The following TAF6L variants were observed in gnomAD, a reference collection of about 807,000 sequenced individuals.
TAF6L encodes TAF6-like RNA polymerase II p300/CBP-associated factor-associated factor 65 kDa subunit 6L.
A neutral mutation model predicts 57.3 loss-of-function variants in TAF6L; 34 were observed. That is an observed-to-expected ratio of 0.59 (90% confidence interval 0.45 to 0.79). The LOEUF (loss-of-function observed/expected upper bound fraction) is 0.79, where lower values mean the gene tolerates loss of function less well. TAF6L is among the 30% of genes least tolerant of loss of function. TAF6L has a pLI of 0.00. For synonymous variants in TAF6L, 417 were observed against 376.3 expected (o/e 1.11, Z -1.25); for missense variants, 782 against 853.2 (o/e 0.92, Z 1.04).
In TAF6L at chr11:62,786,373, C is replaced by T; in HGVS notation, c.1074C>T (p.Val358=). ...AGGTCAAAGCAGATGGACACAAAGT[C>T]TATGGAGCCATTCTGGTGAGTACCG... ...NAQVKADGHK[V]YGAILVAVER... The change falls in exon 10 of 11, where the codon GTC becomes GTT. Residue 358 remains valine (V), a synonymous_variant. Transcript: ENST00000294168. 2 of 1,614,082 alleles carry T rather than the reference C, an allele frequency of 1.2e-6. No homozygotes were observed. The highest frequency in any genetic ancestry group is 1.7e-6 in the Non-Finnish European group (2 of 1,179,952).
chr11:62,786,586 A>G lies in TAF6L; in HGVS notation c.1159A>G (p.Arg387Gly). The change falls in exon 11 of 11, where the codon AGG (arginine) becomes GGG (glycine). Residue 387 changes from arginine (R) to glycine (G), a missense_variant. Coordinates refer to ENST00000294168, the MANE Select transcript of TAF6L (RefSeq NM_006473.4). ...AEPNRGGPGG[R>G]GCRRLDDLPW... Reference sequence around the variant, plus strand: ...GCCCAACAGGGGTGGCCCAGGTGGCAGGGGGTGCCGGCGCCTGGACGACCT... The same window carrying G: ...GCCCAACAGGGGTGGCCCAGGTGGCGGGGGGTGCCGGCGCCTGGACGACCT... The G allele has an allele frequency of 6.3e-7, 1 of 1,575,570 alleles. No homozygotes were observed. Among genetic ancestry groups the G allele is most frequent in the Non-Finnish European group, 8.6e-7 (1 of 1,161,648 alleles).
intron 6 of TAF6L, chr11:62,781,630 G>A (rs2084230377): frequency 1.7e-5 from 6 of 353,624 alleles, no homozygotes; most frequent in Admixed American, 4.6e-5. Context: ...AGCCAAGATC[G>A]TGCCACTGGG....
Position 62,782,340 on chromosome 11 carries a change from A to C in TAF6L, c.827+7A>C. The C allele has an allele frequency of 6.2e-7, 1 of 1,612,628 alleles. No homozygotes were observed. Among genetic ancestry groups the C allele is most frequent in the Non-Finnish European group, 8.5e-7 (1 of 1,179,816 alleles). On this transcript the variant is annotated splice_region_variant and intron_variant, in intron 8 of 10. Transcript: ENST00000294168. ...TGCTCAGCCACATCTTCTGGTAGCC[A>C]CTGGGCCTAAACCTGCGGGTGGGAT...
At chr11:62,778,831 T>C in intron 5 of TAF6L, 38 bp from the exon 6 acceptor site, 1 of 1,583,936 alleles carries the variant, frequency 6.3e-7, no homozygotes, top group Non-Finnish European at 8.7e-7. Context: ...GAGGGCCAGC[T>C]CTCCACCTGT....
intron 1 of TAF6L, chr11:62,774,547 C>G: frequency 2.2e-6 from 1 of 454,208 alleles, no homozygotes; most frequent in South Asian, 1.6e-5. Flanking sequence ...GGATCTGGGC[C>G]TTCCTGTCTG....
chr11:62,775,378 G>T (rs536716154), intron 1 of TAF6L, among the ~76,000 whole-genome samples: 15 of 152,246 alleles, frequency 9.9e-5, no homozygotes, highest in Admixed American at 4.6e-4. Context: ...ATTTGTGCGG[G>T]GACACAGCCA....
In TAF6L at chr11:62,787,020, C is replaced by T. The variant is rs1031517270; in HGVS notation, c.1593C>T (p.Arg531=). Residue 531 remains arginine (R), a synonymous_variant, in exon 11 of 11, where the codon CGC becomes CGT. Transcript: ENST00000294168. Reference sequence around the variant, plus strand: ...CCTTGCCGCGCGTGCATCGGGCGCGCGGGGCACCCCGGCAGCAGGGCCCCG... The same window carrying T: ...CCTTGCCGCGCGTGCATCGGGCGCGTGGGGCACCCCGGCAGCAGGGCCCCG... ...SRPLPRVHRA[R]GAPRQQGPGT... 1.5e-4 allele frequency: 230 copies of T among 1,492,042 alleles called. 1 individual carries two copies. The highest frequency in any genetic ancestry group is 2.3e-4 in the African/African-American group (16 of 68,332). The allele number at this position is 1,492,042 out of a possible 1,614,324, so 92.4% of individuals were successfully genotyped here. A position where few individuals can be genotyped will look rare whatever the true frequency, so the allele number is the denominator to read the frequency against.
At chr11:62,782,631 T>C in intron 8 of TAF6L, 62 bp from the exon 9 acceptor site, 1 of 1,592,680 alleles carries the variant, frequency 6.3e-7, no homozygotes, top group African/African-American at 1.3e-5. Flanking sequence ...TTGTGTTGTC[T>C]TGTGCCCTGT....
At chr11:62,777,155 A>C (rs1488856957) in intron 3 of TAF6L, among the ~76,000 whole-genome samples, 5 of 151,556 alleles carry the variant, frequency 3.3e-5, no homozygotes, top group African/African-American at 4.8e-5. Flanking sequence ...TCAAAAAAAA[A>C]AACAACCAAA....
chr11:62,786,542 T>C lies in TAF6L; in HGVS notation c.1115T>C (p.Met372Thr), dbSNP rs781722979. The C allele has an allele frequency of 7.7e-6, 12 of 1,552,278 alleles. No individual in the cohort carries two copies. The highest frequency in any genetic ancestry group is 1.0e-5 in the Non-Finnish European group (12 of 1,147,468). ...GTGGCGGTAGAGCGACTGCTGAAGA[T>C]GAAGGCCCAGGCAGCAGAGCCCAAC... ...ILVAVERLLK[M>T]KAQAAEPNRG... Residue 372 changes from methionine (M) to threonine (T), a missense_variant, in exon 11 of 11, where the codon ATG becomes ACG. Transcript: ENST00000294168.
At position 62,775,944 on chromosome 11, in the gene TAF6L, A is replaced by G; in HGVS notation, c.147+14A>G. ...GAGGCCACGCAGGTACACTCCCCTCACCCCCTGATACCTCCAACTTTCCTT... is the reference window on the plus strand; with the variant it reads ...GAGGCCACGCAGGTACACTCCCCTCGCCCCCTGATACCTCCAACTTTCCTT... On this transcript the variant is annotated intron_variant, in intron 2 of 10. Transcript: ENST00000294168. The G allele has an allele frequency of 6.3e-7, 1 of 1,581,522 alleles. No homozygotes were observed. The highest frequency in any genetic ancestry group is 1.4e-5 in the African/African-American group (1 of 73,758).
At chr11:62,775,735 T>C in intron 1 of TAF6L, 36 bp from the exon 2 acceptor site, 1 of 1,570,246 alleles carries the variant, frequency 6.4e-7, no homozygotes, top group Non-Finnish European at 8.6e-7. Flanking sequence ...TCCGGGAGGC[T>C]GGGCAGCTTT....
chr11:62,782,087 T>C (rs1233264649), intron 7 of TAF6L, 26 bp from the exon 8 acceptor site: 1 of 1,592,468 alleles, frequency 6.3e-7, no homozygotes. Context: ...CTCATGTCCC[T>C]GTAAGCTACC....
rs949867229 is a variant in TAF6L at position 62,779,076 on chromosome 11, A to G, written c.531+113A>G. The G allele has an allele frequency of 3.5e-6, 3 of 860,692 alleles. No individual in the cohort carries two copies. The African/African-American group carries it at 5.2e-5, about 15-fold the overall frequency. 53.3% of individuals were successfully genotyped at this position (860,692 alleles called of 1,614,324 possible). ...GCTCTTGTTGCCCAGGCTGGAGTGC[A>G]ATGGCATGATCTCAGCTCACCGCAC... On this transcript the variant is annotated intron_variant, in intron 6 of 10. Transcript: ENST00000294168.
At chr11:62,776,305 T>A (rs1278736520) in intron 2 of TAF6L, 79 bp from the exon 3 acceptor site, 4 of 1,442,500 alleles carry the variant, frequency 2.8e-6, no homozygotes, top group Non-Finnish European at 3.9e-6. Flanking sequence ...TTCTCTCCAG[T>A]CTGGCCCACT....
intron 6 of TAF6L, 169 bp from the exon 7 acceptor site, chr11:62,781,725 A>G (rs1243272145): frequency 4.7e-6 from 3 of 636,870 alleles, no homozygotes; most frequent in Non-Finnish European, 5.6e-6. Flanking sequence ...GTATATGTGA[A>G]TGAGTTTCTG....
chr11:62,787,332 GC>G lies in TAF6L; in HGVS notation c.*41del, dbSNP rs750969404. The stretch of plus-strand genomic sequence containing the variant: ...CCTTCGTTCCTTGTAAATAAATCCC[GC>G]CCCCGGAAATGACGTCTCCACCTTC... On this transcript the variant is annotated 3_prime_UTR_variant, in exon 11 of 11. Coordinates refer to ENST00000294168, the MANE Select transcript of TAF6L (RefSeq NM_006473.4). 8.5e-6 allele frequency: 13 copies of G among 1,522,534 alleles called. No homozygotes were observed. Among genetic ancestry groups the G allele is most frequent in the Non-Finnish European group, 1.1e-5 (13 of 1,141,784 alleles). The allele number at this position is 1,522,534 out of a possible 1,614,324, so 94.3% of individuals were successfully genotyped here.
At position 62,786,585 on chromosome 11, in the gene TAF6L, C is replaced by G. The variant is rs151093417; in HGVS notation, c.1158C>G (p.Gly386=). Residue 386 remains glycine, a synonymous_variant, in exon 11 of 11, where the codon GGC becomes GGG. Coordinates refer to ENST00000294168, the MANE Select transcript of TAF6L (RefSeq NM_006473.4). ...AGCCCAACAGGGGTGGCCCAGGTGGCAGGGGGTGCCGGCGCCTGGACGACC... is the reference window on the plus strand; with the variant it reads ...AGCCCAACAGGGGTGGCCCAGGTGGGAGGGGGTGCCGGCGCCTGGACGACC... ...AAEPNRGGPG[G]RGCRRLDDLP... 3.8e-6 allele frequency: 6 copies of G among 1,574,414 alleles called. No individual in the cohort carries two copies. In the African/African-American group the frequency reaches 4.1e-5, roughly 11 times the overall value.
chr11:62,784,229 C>T (rs1351871692), intron 9 of TAF6L, among the ~76,000 whole-genome samples: 2 of 150,502 alleles, frequency 1.3e-5, no homozygotes, highest in African/African-American at 2.4e-5. Context: ...ACCTCGTGTT[C>T]CGCCCGCCTC....
Sources: allele counts gnomAD v4.1 joint callset (sites outside exome capture counted in the v4.1 genomes callset), GRCh38; gene constraint gnomAD v4.1.1; transcripts MANE v1.5; gene names NCBI Gene and HGNC (gene_info 2026-07-23, HGNC 2026-07-21).